Variants in CCDC102B observed in about 807,000 individuals in gnomAD.
CCDC102B encodes coiled-coil domain-containing protein 102B.
A neutral mutation model predicts 57.4 loss-of-function variants in CCDC102B; 75 were observed. The observed-to-expected ratio is 1.31, with a 90% CI of 1.08 to 1.58. CCDC102B has a LOEUF of 1.58. Ranked by LOEUF, CCDC102B falls within the 40% of genes most tolerant of loss-of-function variation. CCDC102B has a pLI of 0.00. For missense variants in CCDC102B, 636 were observed against 582.6 expected (o/e 1.09, Z -0.94); for synonymous variants, 206 against 201.9 (o/e 1.02, Z -0.17).
chr18:68,881,504 T>G (rs2039690958), intron 5 of CCDC102B, among the ~76,000 whole-genome samples: 1 of 152,202 alleles, frequency 6.6e-6, no homozygotes, highest in Non-Finnish European at 1.5e-5. Context: ...TGAGGATGTT[T>G]CAGGATGCAA....
chr18:68,894,979 A>G (rs910701716), intron 5 of CCDC102B, among the ~76,000 whole-genome samples: 5 of 151,952 alleles, frequency 3.3e-5, no homozygotes, highest in African/African-American at 9.7e-5. Flanking sequence ...AAGACTTGAC[A>G]CAGCATATTT....
chr18:68,902,369 C>T (rs1454076109), intron 6 of CCDC102B: 1 of 152,152 alleles, frequency 6.6e-6, no homozygotes, highest in Admixed American at 6.5e-5. Flanking sequence ...TGCATGTGCA[C>T]ATTTAGGCAA....
intron 5 of CCDC102B, among the ~76,000 whole-genome samples, chr18:68,880,424 A>G (rs1599625384): frequency 6.6e-6 from 1 of 152,294 alleles, no homozygotes; most frequent in East Asian, 1.9e-4. Flanking sequence ...AGCCTTGGCC[A>G]GCCCAGAAAG....
intron 2 of CCDC102B, among the ~76,000 whole-genome samples, chr18:68,748,206 G>GTATA (rs758445220): frequency 0.011 from 326 of 30,076 alleles, 5 homozygotes; most frequent in Non-Finnish European, 1.0e-3. Context: ...TATTAAACTG[G>GTATA]TGTGTGTGTG....
chr18:68,898,834 T>A (rs994345174), intron 6 of CCDC102B, among the ~76,000 whole-genome samples: 1 of 152,132 alleles, frequency 6.6e-6, no homozygotes, highest in South Asian at 2.1e-4. Context: ...TAAGAAGCAA[T>A]TGATTATATT....
At chr18:68,790,520 A>G (rs529414916) in intron 2 of CCDC102B, among the ~76,000 whole-genome samples, 34 of 152,248 alleles carry the variant, frequency 2.2e-4, no homozygotes, top group South Asian at 1.0e-3. Flanking sequence ...AGGGCGGGAT[A>G]TAATCTCGTG....
At chr18:69,019,291 C>T (rs1309995802) in intron 7 of CCDC102B, among the ~76,000 whole-genome samples, 1 of 151,898 alleles carries the variant, frequency 6.6e-6, no homozygotes, top group Non-Finnish European at 1.5e-5. Context: ...CTGCAGATAG[C>T]TTTGGGCAGT....
chr18:68,948,462 C>T (rs1199597705), intron 6 of CCDC102B, among the ~76,000 whole-genome samples: 1 of 150,874 alleles, frequency 6.6e-6, no homozygotes, highest in African/African-American at 2.5e-5. Context: ...AATTTCTGAC[C>T]TTTTTTACAA....
intron 6 of CCDC102B, among the ~76,000 whole-genome samples, chr18:68,990,861 T>G (rs2050846534): frequency 6.6e-6 from 1 of 152,154 alleles, no homozygotes; most frequent in Admixed American, 6.5e-5. Flanking sequence ...TAATATACTT[T>G]GGTAAGTTAT....
At chr18:68,728,413 C>T (rs1029453588) in intron 2 of CCDC102B, among the ~76,000 whole-genome samples, 5 of 152,182 alleles carry the variant, frequency 3.3e-5, no homozygotes, top group Admixed American at 1.3e-4. Context: ...GCTAATACTA[C>T]CCAAAGATTG....
Position 69,016,903 on chromosome 18 carries a change from G to A in CCDC102B, c.1434+5799G>A, listed in dbSNP as rs575684465. Reference sequence around the variant, plus strand: ...CTCTTAACATTTACAGTATATATTAGCAATCTTCTTTGGTTCTCAATGATA... The same window carrying A: ...CTCTTAACATTTACAGTATATATTAACAATCTTCTTTGGTTCTCAATGATA... On this transcript the variant is annotated intron_variant, in intron 7 of 7. Coordinates refer to ENST00000360242, the MANE Select transcript of CCDC102B (RefSeq NM_024781.3). Among the ~76,000 whole-genome samples, 4 of 151,938 alleles carry A rather than the reference G, an allele frequency of 2.6e-5. No individual in the cohort carries two copies. In the South Asian group the frequency reaches 8.3e-4, roughly 32 times the overall value.
intron 2 of CCDC102B, among the ~76,000 whole-genome samples, chr18:68,732,851 A>G (rs530972950): frequency 6.6e-6 from 1 of 152,326 alleles, no homozygotes; most frequent in East Asian, 1.9e-4. Flanking sequence ...CAAGTTTTAC[A>G]GACCAGGGAC....
In CCDC102B at chr18:68,738,993, C is replaced by CTTTTTTTTTTTTTTTTTTTTTTTTTTT. The variant is rs201214278; in HGVS notation, c.-67+22403_-67+22404insTTTTTTTTTTTTTTTTTTTTTTTTTTT. ...GGCCATTGGACTGTAGATGAGCAGC[C>CTTTTTTTTTTTTTTTTTTTTTTTTTTT]TTTTGTTTTTTTTTTTTTTAGACCA... On this transcript the variant is annotated intron_variant, in intron 2 of 3. Transcript: ENST00000578970. 1.0e-3 allele frequency among the ~76,000 whole-genome samples: 148 copies of CTTTTTTTTTTTTTTTTTTTTTTTTTTT among 144,990 alleles called. 3 individuals carry two copies. The highest frequency in any genetic ancestry group is 7.7e-3 in the South Asian group (34 of 4,422).
intron 2 of CCDC102B, among the ~76,000 whole-genome samples, chr18:68,722,587 A>C (rs976654856): frequency 6.6e-6 from 1 of 152,212 alleles, no homozygotes; most frequent in Non-Finnish European, 1.5e-5. Flanking sequence ...AAGAAAGTAA[A>C]TTTAAAAAAG....
At chr18:68,722,210 C>T (rs552517857) in intron 2 of CCDC102B, among the ~76,000 whole-genome samples, 29 of 152,232 alleles carry the variant, frequency 1.9e-4, no homozygotes, top group African/African-American at 3.4e-4. Flanking sequence ...GCTATCTTTG[C>T]GGGGATTGTT....
rs757752293 is a variant in CCDC102B at position 68,874,706 on chromosome 18, A to C, written c.974A>C (p.Gln325Pro). 8.7e-6 allele frequency: 14 copies of C among 1,612,036 alleles called. No homozygotes were observed. In the East Asian group the frequency reaches 3.1e-4, roughly 36 times the overall value. ...ILLGQHNDEM[Q>P]ELSGNIKEES... Reference sequence around the variant, plus strand: ...CTTGGTCAACATAATGATGAAATGCAAGAACTGTCAGGCAATATAAAGGAA... The same window carrying C: ...CTTGGTCAACATAATGATGAAATGCCAGAACTGTCAGGCAATATAAAGGAA... Residue 325 changes from glutamine to proline, a missense_variant, in exon 5 of 8, where the codon CAA (glutamine) becomes CCA (proline). Coordinates refer to ENST00000360242, the MANE Select transcript of CCDC102B (RefSeq NM_024781.3).
At chr18:68,905,577 A>G (rs2040597692) in intron 6 of CCDC102B, among the ~76,000 whole-genome samples, 1 of 36,720 alleles carries the variant, frequency 2.7e-5, no homozygotes, top group Non-Finnish European at 5.7e-5. Flanking sequence ...TCACAATGTT[A>G]TGGGACCGCC....
intron 6 of CCDC102B, among the ~76,000 whole-genome samples, chr18:68,911,412 C>T (rs2040841081): frequency 6.6e-6 from 1 of 152,008 alleles, no homozygotes; most frequent in Admixed American, 6.6e-5. Flanking sequence ...TATGGAAGAA[C>T]AACAGACACG....
At chr18:68,822,514 AT>A (rs965025529) in intron 1 of CCDC102B, among the ~76,000 whole-genome samples, 3 of 152,090 alleles carry the variant, frequency 2.0e-5, no homozygotes, top group Non-Finnish European at 4.4e-5. Flanking sequence ...TACTATTATT[AT>A]TTTTGTTTTT....
Sources: allele counts gnomAD v4.1 joint callset (sites outside exome capture counted in the v4.1 genomes callset), GRCh38; gene constraint gnomAD v4.1.1; transcripts MANE v1.5; gene names NCBI Gene and HGNC (gene_info 2026-07-23, HGNC 2026-07-21).